Variants in KIAA2012 observed in about 807,000 individuals in gnomAD.
KIAA2012 encodes KIAA2012.
KIAA2012 carries 125 observed loss-of-function variants against 150.6 expected under a neutral mutation model. That is an observed-to-expected ratio of 0.83 (90% confidence interval 0.72 to 0.96). The LOEUF is 0.96. Among genes scored for constraint, KIAA2012 ranks in the 40% least tolerant of loss-of-function variants. The probability of loss-of-function intolerance (pLI) is 0.00; values close to 1 mark genes in which losing one functional copy is unlikely to be tolerated. For synonymous variants in KIAA2012, 462 were observed against 504.7 expected, an observed-to-expected ratio of 0.92 and a Z score of 1.13; for missense variants, 1,219 against 1,354.9, an observed-to-expected ratio of 0.90 and a Z score of 1.57.
chr2:202,174,413 G>A (rs1392445469), intron 15 of KIAA2012, among the ~76,000 whole-genome samples: 2 of 151,832 alleles, frequency 1.3e-5, no homozygotes, highest in African/African-American at 2.4e-5. Flanking sequence ...AATGACACTG[G>A]TATTATTTCC....
chr2:202,126,003 G>A (rs1412772895), intron 12 of KIAA2012: 1 of 327,392 alleles, frequency 3.1e-6, no homozygotes, highest in African/African-American at 2.8e-5. Flanking sequence ...CGCCCAGGCT[G>A]GAGTGCAATG....
intron 14 of KIAA2012, among the ~76,000 whole-genome samples, chr2:202,162,928 CAAAA>C (rs530486463): frequency 4.4e-5 from 4 of 90,216 alleles, no homozygotes; most frequent in African/African-American, 1.2e-4. Flanking sequence ...GACTCCGTCT[CAAAA>C]AAAAAAAAAA....
intron 7 of KIAA2012, 79 bp from the exon 8 acceptor site, chr2:202,102,867 A>G: frequency 2.3e-6 from 3 of 1,312,952 alleles, no homozygotes; most frequent in Non-Finnish European, 3.1e-6. Context: ...AGATACAATA[A>G]GAGACAGTAT....
In KIAA2012 at chr2:202,097,507, A is replaced by G. The variant is rs1689917823; in HGVS notation, c.758A>G (p.His253Arg). ...GACCAGGGCCCTCTAGCCAAGAACC[A>G]TGGCAGTCAGGGGACTCGCTTGCCA... ...HVDQGPLAKN[H>R]GSQGTRLPPR... The change falls in exon 5 of 24, where the codon CAT (histidine) becomes CGT (arginine). Residue 253 changes from histidine to arginine, a missense_variant. Transcript: ENST00000498697. 1.3e-6 allele frequency: 2 copies of G among 1,550,298 alleles called. No individual in the cohort carries two copies. The highest frequency in any genetic ancestry group is 1.7e-6 in the Non-Finnish European group (2 of 1,146,944).
chr2:202,204,087 T>G (rs905541739), intron 23 of KIAA2012, among the ~76,000 whole-genome samples: 12 of 151,304 alleles, frequency 7.9e-5, no homozygotes, highest in Non-Finnish European at 1.3e-4. Context: ...TTTTTTTTTT[T>G]TTTTTTTAAG....
Position 202,093,084 on chromosome 2 carries a change from A to G in KIAA2012, c.584A>G (p.Lys195Arg), listed in dbSNP as rs895238821. Residue 195 changes from lysine (K) to arginine (R), a missense_variant, in exon 4 of 24, where the codon AAG becomes AGG. By Grantham distance (26) the Lys-to-Arg change is conservative. Transcript: ENST00000498697. ...LQDSQLNVPK[K>R]LRPQQDLSGV... ...GACAGTCAACTTAATGTACCAAAGAAGCTCAGGCCACAACAAGATCTTTCA... is the reference window on the plus strand; with the variant it reads ...GACAGTCAACTTAATGTACCAAAGAGGCTCAGGCCACAACAAGATCTTTCA... The G allele has an allele frequency of 6.4e-7, 1 of 1,550,728 alleles. No homozygotes were observed. The highest frequency in any genetic ancestry group is 8.7e-7 in the Non-Finnish European group (1 of 1,147,030).
At chr2:202,155,944 CCAAATGTGGGT>C in intron 14 of KIAA2012, among the ~76,000 whole-genome samples, 1 of 151,852 alleles carries the variant, frequency 6.6e-6, no homozygotes, top group African/African-American at 2.4e-5. Flanking sequence ...TGAATATAAA[CCAAATGTGGGT>C]CACTTATCCA....
At position 202,168,362 on chromosome 2, in the gene KIAA2012, T is replaced by A. The variant is rs187690124; in HGVS notation, c.2119+3006T>A. Among the ~76,000 whole-genome samples the A allele has an allele frequency of 3.9e-4, 55 of 140,882 alleles. No individual in the cohort carries two copies. The East Asian group carries it at 9.9e-3, about 25-fold the overall frequency. The allele number at this position is 140,882 out of a possible 152,430, so 92.4% of individuals were successfully genotyped here. ...TGAACCCGGGAGGCGGAGGTTGCAG[T>A]GAGCCGAGATTGTGCCACTGCATTC... On this transcript the variant is annotated intron_variant, in intron 15 of 23. Coordinates refer to ENST00000498697, the MANE Select transcript of KIAA2012 (RefSeq NM_001277372.4).
chr2:202,142,660 C>T (rs1206713922), intron 13 of KIAA2012, among the ~76,000 whole-genome samples: 1 of 152,120 alleles, frequency 6.6e-6, no homozygotes. Flanking sequence ...AAACTGTAAA[C>T]TAAGATCCTC....
chr2:202,099,184 C>T (rs923323838), intron 5 of KIAA2012, among the ~76,000 whole-genome samples: 1 of 151,832 alleles, frequency 6.6e-6, no homozygotes, highest in Non-Finnish European at 1.5e-5. Context: ...GAGATTGGGT[C>T]TCACTATGTT....
At position 202,110,788 on chromosome 2, in the gene KIAA2012, C is replaced by T. The variant is rs190377244; in HGVS notation, c.1651+999C>T. Among the ~76,000 whole-genome samples, 3 of 152,274 alleles carry T rather than the reference C, an allele frequency of 2.0e-5. No individual in the cohort carries two copies. The East Asian group carries it at 5.8e-4, about 29-fold the overall frequency. ...TCTCACTTGCTCTCTGTCTCCCCCA[C>T]TGCCCAGCACACCCCCTTCTCATTC... On this transcript the variant is annotated intron_variant, in intron 10 of 23. Transcript: ENST00000498697.
intron 22 of KIAA2012, chr2:202,201,769 T>C: frequency 7.5e-7 from 1 of 1,327,694 alleles, no homozygotes; most frequent in Non-Finnish European, 1.1e-6. Flanking sequence ...GAGTAGGCAG[T>C]CGGAGCATCA....
intron 20 of KIAA2012, 71 bp from the exon 21 acceptor site, chr2:202,194,119 T>C (rs1692365778): frequency 6.6e-7 from 1 of 1,509,114 alleles, no homozygotes; most frequent in Admixed American, 2.0e-5. Flanking sequence ...ATGGGCACTG[T>C]CTGTTGGCTC....
chr2:202,155,358 T>C lies in KIAA2012; in HGVS notation c.2046+548T>C, dbSNP rs138176038. On this transcript the variant is annotated intron_variant, in intron 14 of 23. Coordinates refer to ENST00000498697, the MANE Select transcript of KIAA2012 (RefSeq NM_001277372.4). ...GGGTGGCATTTGTCCATCTTTGCAA[T>C]ACTCCCTCCCACCCCAGCATCGAAC... 5.7e-4 allele frequency among the ~76,000 whole-genome samples: 87 copies of C among 152,284 alleles called. 1 individual carries two copies. Among genetic ancestry groups the C allele is most frequent in the African/African-American group, 1.4e-3 (60 of 41,568 alleles).
intron 12 of KIAA2012, among the ~76,000 whole-genome samples, chr2:202,132,756 G>GTGTATATATGTATATATT (rs1690975646): frequency 1.1e-5 from 1 of 87,784 alleles, no homozygotes; most frequent in African/African-American, 4.4e-5. Context: ...TAGTATATAT[G>GTGTATATATGTATATATT]TATATATATA....
intron 11 of KIAA2012, among the ~76,000 whole-genome samples, chr2:202,118,387 G>A (rs922659522): frequency 5.3e-5 from 8 of 152,140 alleles, no homozygotes; most frequent in Non-Finnish European, 1.2e-4. Flanking sequence ...GAGGCTAGAA[G>A]GCTAAAAACT....
At chr2:202,195,058 G>A (rs569214289) in intron 21 of KIAA2012, among the ~76,000 whole-genome samples, 11 of 151,952 alleles carry the variant, frequency 7.2e-5, no homozygotes, top group African/African-American at 1.2e-4. Context: ...GTGAGCCACC[G>A]TGCTCAGCCC....
intron 11 of KIAA2012, among the ~76,000 whole-genome samples, chr2:202,121,800 G>A (rs1690658565): frequency 6.6e-6 from 1 of 152,156 alleles, no homozygotes; most frequent in Non-Finnish European, 1.5e-5. Flanking sequence ...AGATTCACAA[G>A]CCAGTAACTG....
rs1363326462 is a variant in KIAA2012, at chr2:202,184,738, A to ACT, written c.2120-12_2120-11dup. The ACT allele has an allele frequency of 2.7e-6, 4 of 1,506,778 alleles. No individual in the cohort carries two copies. Among genetic ancestry groups the ACT allele is most frequent in the Non-Finnish European group, 3.5e-6 (4 of 1,127,226 alleles). The allele number at this position is 1,506,778 out of a possible 1,614,324, so 93.3% of individuals were successfully genotyped here. ...TGCCTGTTGTCCTTTATTGATTGAT[A>ACT]CTCTGTTTTCACAGACCCAGAGCCA... On this transcript the variant is annotated splice_polypyrimidine_tract_variant and intron_variant, in intron 15 of 23. Transcript: ENST00000498697.
Sources: allele counts gnomAD v4.1 joint callset (sites outside exome capture counted in the v4.1 genomes callset), GRCh38; gene constraint gnomAD v4.1.1; transcripts MANE v1.5; gene names NCBI Gene and HGNC (gene_info 2026-07-23, HGNC 2026-07-21).